The following NOC2L variants were observed in gnomAD, a reference collection of about 807,000 sequenced individuals.
The protein encoded by NOC2L is nucleolar complex protein 2 homolog.
Under a neutral mutation model 94.2 loss-of-function variants are expected in NOC2L, and 101 were observed. That is an observed-to-expected ratio of 1.07 (90% CI 0.91 to 1.26). The LOEUF is 1.26. NOC2L is among the 50% of genes most tolerant of loss of function. The pLI, the probability that NOC2L is intolerant of heterozygous loss-of-function variation, is 0.00. For synonymous variants in NOC2L, 531 were observed against 413.4 expected (o/e 1.28, Z -3.45); for missense variants, 1,076 against 980.1 (o/e 1.10, Z -1.31).
intron 2 of NOC2L, chr1:958,692 G>A (rs1039816918): frequency 7.2e-6 from 5 of 691,124 alleles, no homozygotes; most frequent in African/African-American, 3.5e-5. Flanking sequence ...AGTTCTCCTA[G>A]ATCGGGAAGA....
intron 12 of NOC2L, among the ~76,000 whole-genome samples, chr1:949,060 C>T (rs2100382496): frequency 6.6e-6 from 1 of 152,268 alleles, no homozygotes; most frequent in Non-Finnish European, 1.5e-5. Flanking sequence ...GCAAAGAGTG[C>T]CAGACACAGG....
Position 957,171 on chromosome 1 carries a change from C to G in NOC2L, c.282G>C (p.Leu94=), listed in dbSNP as rs62639969. The G allele has an allele frequency of 1.2e-6, 2 of 1,613,956 alleles. No homozygotes were observed. Among genetic ancestry groups the G allele is most frequent in the African/African-American group, 1.3e-5 (1 of 74,942 alleles). Residue 94 remains leucine (L), a synonymous_variant, in exon 3 of 19, where the codon CTG becomes CTC. Transcript: ENST00000327044. ...YKFLQENDQS[L]LNFSDSDSSE... is the part of the protein sequence containing the mutation. ...AGCTGTCCGAGTCGCTGAAGTTTAGCAGGCTCTGGTCATTCTCCTGCAGGA... is the reference window on the plus strand; with the variant it reads ...AGCTGTCCGAGTCGCTGAAGTTTAGGAGGCTCTGGTCATTCTCCTGCAGGA...
intron 12 of NOC2L, among the ~76,000 whole-genome samples, chr1:949,236 G>A (rs1413610020): frequency 6.6e-6 from 1 of 152,200 alleles, no homozygotes; most frequent in Non-Finnish European, 1.5e-5. Context: ...CCCTCAGGCT[G>A]TGAACCAGAG....
chr1:953,033 C>A (rs980605456), intron 9 of NOC2L, 142 bp downstream of exon 9: 5 of 644,558 alleles, frequency 7.8e-6, no homozygotes, highest in South Asian at 7.4e-5. Context: ...GTGAGACATT[C>A]GTGATCCAAG....
chr1:953,577 C>T (rs757937151), intron 8 of NOC2L, among the ~76,000 whole-genome samples: 7 of 152,232 alleles, frequency 4.6e-5, no homozygotes, highest in African/African-American at 1.7e-4. Flanking sequence ...CGGACTGAGC[C>T]GCGCTGCCCG....
intron 16 of NOC2L, 121 bp from the exon 17 acceptor site, chr1:945,774 G>T: frequency 8.1e-7 from 1 of 1,241,536 alleles, no homozygotes; most frequent in African/African-American, 1.5e-5. Context: ...AGTCCCCTCT[G>T]TTCCCAAATC....
Position 945,166 on chromosome 1 carries a change from G to T in NOC2L, c.2054-20C>A. On this transcript the variant is annotated intron_variant, in intron 17 of 18. Coordinates refer to ENST00000327044, the MANE Select transcript of NOC2L (RefSeq NM_015658.4). ...GTATCCCTGAGGAACAAGAAGCAGA[G>T]TCCATATGACTCCCACCCACAGGGT... The T allele has an allele frequency of 1.3e-6, 2 of 1,578,724 alleles. No homozygotes were observed. Among genetic ancestry groups the T allele is most frequent in the Non-Finnish European group, 1.7e-6 (2 of 1,161,830 alleles).
intron 6 of NOC2L, among the ~76,000 whole-genome samples, chr1:954,796 T>C (rs1204338417): frequency 6.7e-6 from 1 of 148,820 alleles, no homozygotes; most frequent in African/African-American, 2.5e-5. Context: ...CATTCCAGCC[T>C]GGGCGACAGA....
chr1:946,683 T>G, intron 14 of NOC2L, 138 bp from the exon 15 acceptor site: 1 of 1,032,218 alleles, frequency 9.7e-7, no homozygotes, highest in Middle Eastern at 2.6e-4. Flanking sequence ...AGGGCTCAAG[T>G]GCATAGCTGT....
Position 948,581 on chromosome 1 carries a change from T to C in NOC2L, c.1466A>G (p.Asn489Ser). The C allele has an allele frequency of 3.7e-6, 6 of 1,603,662 alleles. No homozygotes were observed. The highest frequency in any genetic ancestry group is 4.3e-6 in the Non-Finnish European group (5 of 1,175,690). ...ILEMFQQVDF[N>S]RKPGRMSSKP... ...GGAGCTCATGCGCCCTGGCTTCCTG[T>C]TGAAGTCGACCTGCTGGAACATCTG... Residue 489 changes from asparagine (N) to serine (S), a missense_variant, in exon 13 of 19, where the codon AAC (asparagine) becomes AGC (serine). Transcript: ENST00000327044.
rs201894720 is a variant in NOC2L, at chr1:944,787, G to C, written c.2157C>G (p.Asp719Glu). 5 of 1,590,194 alleles carry C rather than the reference G, an allele frequency of 3.1e-6. No individual in the cohort carries two copies. Among genetic ancestry groups the C allele is most frequent in the Non-Finnish European group, 4.3e-6 (5 of 1,172,290 alleles). The change falls in exon 19 of 19, where the codon GAC becomes GAG. Residue 719 changes from aspartate to glutamate, a missense_variant. This residue lies in a region of NOC2L where 615 missense variants were observed against 577.4 expected (regional missense o/e 1.07). Transcript: ENST00000327044. ...CCCCAGGGGCCAGCCCCGCCTCTGC[G>C]TCTGGGTCTCCATCTGCGGGGAGAG... ...DSSNSEDGDP[D>E]AEAGLAPGEL...
Position 957,008 on chromosome 1 carries a change from C to A in NOC2L, c.372G>T (p.Glu124Asp). 1.2e-6 allele frequency: 2 copies of A among 1,614,106 alleles called. No individual in the cohort carries two copies. Among genetic ancestry groups the A allele is most frequent in the Non-Finnish European group, 1.7e-6 (2 of 1,180,036 alleles). Residue 124 changes from glutamate (E) to aspartate (D), a missense_variant, in exon 4 of 19, where the codon GAG becomes GAT. Physicochemically the swap from Glu to Asp is conservative, Grantham distance 45 (BLOSUM62 2). Coordinates refer to ENST00000327044, the MANE Select transcript of NOC2L (RefSeq NM_015658.4). ...CATCTTCTCCTTCCTCCGCTCCATC[C>A]TCCTCCTCACTGGCTTCCTGCACAG... ...PDVLEEASEE[E>D]DGAEEGEDGD... is the part of the protein sequence containing the mutation.
At chr1:958,415 A>C in intron 2 of NOC2L, 1 of 306,216 alleles carries the variant, frequency 3.3e-6, no homozygotes. Context: ...ACGCCCGGCT[A>C]ATTTTTATAT....
chr1:952,063 C>T lies in NOC2L; in HGVS notation c.1268G>A (p.Gly423Asp), dbSNP rs1177963609. ...FLWCRVLSTA[G>D]PSEALQPLVY... ...CAAGGGCTGGAGGGCTTCGCTGGGG[C>T]CCGCAGTGCTCAGGACCCGGCACCA... Residue 423 changes from glycine to aspartate, a missense_variant, in exon 11 of 19, where the codon GGC becomes GAC. Transcript: ENST00000327044. 6.2e-7 allele frequency: 1 copy of T among 1,613,710 alleles called. No homozygotes were observed. Among genetic ancestry groups the T allele is most frequent in the Admixed American group, 1.7e-5 (1 of 60,010 alleles).
At position 953,812 on chromosome 1, in the gene NOC2L, G is replaced by A. The variant is rs750836761; in HGVS notation, c.858C>T (p.Thr286=). The A allele has an allele frequency of 6.2e-7, 1 of 1,612,932 alleles. No individual in the cohort carries two copies. The highest frequency in any genetic ancestry group is 8.5e-7 in the Non-Finnish European group (1 of 1,179,946). Residue 286 remains threonine, a synonymous_variant, in exon 8 of 19, where the codon ACC becomes ACT. Transcript: ENST00000327044. ...HISVLVPCFL[T]FPKQCRMLLK... Reference sequence around the variant, plus strand: ...GCAGCATGCGGCACTGCTTGGGGAAGGTCAGGAAGCAGGGCACCAGCACGC... The same window carrying A: ...GCAGCATGCGGCACTGCTTGGGGAAAGTCAGGAAGCAGGGCACCAGCACGC...
chr1:948,658 T>C, intron 12 of NOC2L, 55 bp from the exon 13 acceptor site: 1 of 1,434,004 alleles, frequency 7.0e-7, no homozygotes, highest in Non-Finnish European at 9.8e-7. Flanking sequence ...CACCCTGGCT[T>C]CACCCTGGCT....
Position 945,042 on chromosome 1 carries a change from C to A in NOC2L, c.2143+15G>T, listed in dbSNP as rs1557614255. 1.2e-6 allele frequency: 2 copies of A among 1,613,998 alleles called. No homozygotes were observed. The highest frequency in any genetic ancestry group is 1.7e-6 in the Non-Finnish European group (2 of 1,179,974). On this transcript the variant is annotated intron_variant, in intron 18 of 18. Coordinates refer to ENST00000327044, the MANE Select transcript of NOC2L (RefSeq NM_015658.4). ...GGCTCACAGGGCCACACCCTCTCAC[C>A]CCAAGACCATTCACCCTCCGAGTTG...
At chr1:950,734 C>A (rs1469089954) in intron 12 of NOC2L, among the ~76,000 whole-genome samples, 1 of 152,202 alleles carries the variant, frequency 6.6e-6, no homozygotes, top group Non-Finnish European at 1.5e-5. Flanking sequence ...ACAAACGCAC[C>A]CACCCAGATG....
chr1:954,182 ACT>A (rs1292304706), intron 6 of NOC2L, 100 bp from the exon 7 acceptor site: 12 of 1,102,190 alleles, frequency 1.1e-5, no homozygotes, highest in Middle Eastern at 2.0e-4. Flanking sequence ...AGCCTCTACG[ACT>A]CTGCAGAGAC....
Sources: allele counts gnomAD v4.1 joint callset (sites outside exome capture counted in the v4.1 genomes callset), GRCh38; gene constraint gnomAD v4.1.1; regional missense constraint gnomAD v4.1.1; transcripts MANE v1.5; gene names NCBI Gene and HGNC (gene_info 2026-07-23, HGNC 2026-07-21).